MTMR2: variants seen among roughly 807,000 people sequenced by gnomAD.
MTMR2 encodes the protein phosphatidylinositol-3,5-bisphosphate 3-phosphatase MTMR2.
Under a neutral mutation model 86.9 loss-of-function variants are expected in MTMR2, and 55 were observed. The ratio of observed to expected loss-of-function variants is 0.63; its 90% CI spans 0.51 to 0.79. MTMR2 has a LOEUF of 0.79. Ranked by LOEUF, MTMR2 falls within the 30% of genes least tolerant of loss-of-function variation. The pLI, the probability that MTMR2 is intolerant of heterozygous loss-of-function variation, is 0.00. For synonymous variants in MTMR2, 241 were observed against 266.8 expected, an observed-to-expected ratio of 0.90 and a Z score of 0.94; for missense variants, 659 against 772.3, an observed-to-expected ratio of 0.85 and a Z score of 1.74.
chr11:95,844,674 C>A (rs1863695482), intron 11 of MTMR2, among the ~76,000 whole-genome samples: 1 of 152,124 alleles, frequency 6.6e-6, no homozygotes, highest in Non-Finnish European at 1.5e-5. Flanking sequence ...TAGGAAAACG[C>A]CTGCCCAGAA....
intron 6 of MTMR2, 62 bp from the exon 7 acceptor site, chr11:95,857,697 A>T (rs1864263097): frequency 7.4e-6 from 8 of 1,074,868 alleles, no homozygotes; most frequent in East Asian, 4.8e-5. Flanking sequence ...ATGAATCAGA[A>T]ATGTATCCAT....
At chr11:95,892,505 A>C (rs768919208) in intron 1 of MTMR2, among the ~76,000 whole-genome samples, 1 of 152,188 alleles carries the variant, frequency 6.6e-6, no homozygotes. Flanking sequence ...AGAATCTTGT[A>C]ATTAGCAAGG....
rs1055926609 is a variant in MTMR2, at chr11:95,833,460, A to G, written c.*1830T>C. 1 of 152,084 alleles carries G rather than the reference A, an allele frequency of 6.6e-6. No homozygotes were observed. Among genetic ancestry groups the G allele is most frequent in the Non-Finnish European group, 1.5e-5 (1 of 67,974 alleles). The allele number at this position is 152,084 out of a possible 1,614,324, so 9.4% of individuals were successfully genotyped here. ...CTCCTCCCTCCCTCCCACACACACC[A>G]GTGGTATATATTAAATGCCCAAGTG... On this transcript the variant is annotated 3_prime_UTR_variant, in exon 15 of 15. Transcript: ENST00000346299.
intron 1 of MTMR2, among the ~76,000 whole-genome samples, chr11:95,891,916 A>G (rs1454485822): frequency 6.6e-6 from 1 of 152,134 alleles, no homozygotes; most frequent in Non-Finnish European, 1.5e-5. Flanking sequence ...GAGAGCAAGT[A>G]AGCATGCAGG....
intron 5 of MTMR2, among the ~76,000 whole-genome samples, chr11:95,860,575 T>C (rs1864376077): frequency 6.6e-6 from 1 of 152,160 alleles, no homozygotes; most frequent in South Asian, 2.1e-4. Context: ...CTTCTAAGAT[T>C]AGCATAACAA....
intron 2 of MTMR2, among the ~76,000 whole-genome samples, chr11:95,873,077 CT>C (rs1032817250): frequency 1.3e-5 from 2 of 152,090 alleles, no homozygotes; most frequent in African/African-American, 2.4e-5. Flanking sequence ...CTAAAATTCT[CT>C]TTTTTTGTTG....
intron 1 of MTMR2, among the ~76,000 whole-genome samples, chr11:95,917,305 G>A (rs575863513): frequency 1.3e-5 from 2 of 152,054 alleles, no homozygotes; most frequent in Non-Finnish European, 2.9e-5. Context: ...ATCCTGAATC[G>A]CACGCAATCT....
chr11:95,845,882 TA>T (rs201863810), intron 10 of MTMR2, among the ~76,000 whole-genome samples: 1,163 of 90,064 alleles, frequency 0.013, 11 homozygotes, highest in South Asian at 0.017. Flanking sequence ...TATGGTATCT[TA>T]AAAAAAAAAA....
chr11:95,851,234 T>C (rs1157523945), intron 7 of MTMR2, among the ~76,000 whole-genome samples: 1 of 151,128 alleles, frequency 6.6e-6, no homozygotes, highest in Non-Finnish European at 1.5e-5. Context: ...GGCTAATTTT[T>C]GTATTTTTTA....
intron 1 of MTMR2, among the ~76,000 whole-genome samples, chr11:95,921,733 G>A (rs1866935349): frequency 6.6e-6 from 1 of 152,160 alleles, no homozygotes; most frequent in Admixed American, 6.5e-5. Flanking sequence ...TTCCAGAGGA[G>A]AGTAATGAAA....
chr11:95,874,213 T>C (rs113398439), intron 2 of MTMR2, among the ~76,000 whole-genome samples: 1 of 152,312 alleles, frequency 6.6e-6, no homozygotes, highest in African/African-American at 2.4e-5. Flanking sequence ...TCTCCCATTA[T>C]TATTGTGTGG....
chr11:95,846,547 G>A (rs998054196), intron 10 of MTMR2, among the ~76,000 whole-genome samples: 4 of 152,186 alleles, frequency 2.6e-5, no homozygotes, highest in African/African-American at 9.6e-5. Context: ...GCAGAGACCA[G>A]AAGAGAGTGA....
intron 13 of MTMR2, among the ~76,000 whole-genome samples, chr11:95,836,992 A>AT (rs1863313530): frequency 6.6e-6 from 1 of 152,006 alleles, no homozygotes; most frequent in Admixed American, 6.6e-5. Context: ...TGGTATGCAT[A>AT]TTATTATCAA....
intron 10 of MTMR2, among the ~76,000 whole-genome samples, chr11:95,846,956 G>C (rs1050885862): frequency 4.6e-5 from 7 of 150,880 alleles, no homozygotes; most frequent in African/African-American, 1.7e-4. Context: ...AATGTGAGCA[G>C]AAGTATCCTC....
intron 2 of MTMR2, among the ~76,000 whole-genome samples, chr11:95,873,579 T>G (rs1864979255): frequency 6.6e-6 from 1 of 152,154 alleles, no homozygotes; most frequent in Non-Finnish European, 1.5e-5. Flanking sequence ...TTGAAGGGTT[T>G]TTTGTGTCTC....
chr11:95,841,399 T>A (rs1863540200), intron 12 of MTMR2, among the ~76,000 whole-genome samples: 1 of 152,214 alleles, frequency 6.6e-6, no homozygotes, highest in Non-Finnish European at 1.5e-5. Context: ...CAGGAGTTAT[T>A]ATCAATGCTA....
At chr11:95,908,915 A>G (rs1866393115) in intron 1 of MTMR2, among the ~76,000 whole-genome samples, 1 of 152,218 alleles carries the variant, frequency 6.6e-6, no homozygotes, top group Admixed American at 6.5e-5. Context: ...TGCCTATGAA[A>G]TAATAAGACT....
At chr11:95,873,293 T>C (rs902526770) in intron 2 of MTMR2, among the ~76,000 whole-genome samples, 2 of 152,232 alleles carry the variant, frequency 1.3e-5, no homozygotes, top group African/African-American at 4.8e-5. Flanking sequence ...GAGCCTGTTA[T>C]TGGTCTATTC....
Position 95,908,681 on chromosome 11 carries a change from A to G in MTMR2, c.80+15194T>C, listed in dbSNP as rs535704811. On this transcript the variant is annotated intron_variant, in intron 1 of 14. Coordinates refer to ENST00000346299, the MANE Select transcript of MTMR2 (RefSeq NM_016156.6). ...ATGGAACAGAATAGAGAGCCCAGAA[A>G]TAATGCTGCCTTCCTACAATCATCT... Among the ~76,000 whole-genome samples the G allele has an allele frequency of 2.0e-5, 3 of 152,278 alleles. No homozygotes were observed. In the South Asian group the frequency reaches 6.2e-4, roughly 32 times the overall value.
Sources: allele counts gnomAD v4.1 joint callset (sites outside exome capture counted in the v4.1 genomes callset), GRCh38; gene constraint gnomAD v4.1.1; transcripts MANE v1.5; gene names NCBI Gene and HGNC (gene_info 2026-07-23, HGNC 2026-07-21).